The following CPQ variants were observed in gnomAD, a reference collection of about 807,000 sequenced individuals.
CPQ encodes the protein carboxypeptidase Q.
A neutral mutation model predicts 45.7 loss-of-function variants in CPQ; 37 were observed. The ratio of observed to expected loss-of-function variants is 0.81; its 90% CI spans 0.62 to 1.07. The LOEUF is 1.07. Among genes scored for constraint, CPQ ranks in the 50% least tolerant of loss-of-function variants. The pLI is 0.00. For missense variants in CPQ, 537 were observed against 572.9 expected (o/e 0.94, Z 0.64); for synonymous variants, 186 against 205.8 (o/e 0.90, Z 0.82).
At chr8:96,946,680 T>C (rs1314016248) in intron 4 of CPQ, among the ~76,000 whole-genome samples, 1 of 148,174 alleles carries the variant, frequency 6.7e-6, no homozygotes, top group African/African-American at 2.5e-5. Flanking sequence ...TTCTGGTACC[T>C]CAAGATTCCC....
intron 4 of CPQ, among the ~76,000 whole-genome samples, chr8:96,917,628 A>G (rs140289232): frequency 1.7e-4 from 26 of 152,258 alleles, no homozygotes; most frequent in Non-Finnish European, 3.2e-4. Context: ...CATTACACCT[A>G]GAGTGTCATT....
In CPQ at chr8:96,720,571, A is replaced by C. The variant is rs534263195; in HGVS notation, c.-34-64293A>C. ...CTTAACTTACAAATTACTTCCTCTG[A>C]AGATCTTGTCAAGACTTAGTTCTAG... On this transcript the variant is annotated intron_variant, in intron 1 of 7. Transcript: ENST00000220763. Among the ~76,000 whole-genome samples, 90 of 152,298 alleles carry C rather than the reference A, an allele frequency of 5.9e-4. 2 individuals carry two copies. In the South Asian group the frequency reaches 0.018, roughly 31 times the overall value.
chr8:97,099,669 T>C (rs974404393), intron 7 of CPQ, among the ~76,000 whole-genome samples: 41 of 152,020 alleles, frequency 2.7e-4, no homozygotes, highest in African/African-American at 8.9e-4. Flanking sequence ...AGGGAAAATA[T>C]ATTAATGAGC....
chr8:96,703,277 T>C (rs1479532435), intron 1 of CPQ, among the ~76,000 whole-genome samples: 2 of 152,172 alleles, frequency 1.3e-5, no homozygotes, highest in Non-Finnish European at 2.9e-5. Flanking sequence ...GCCACCTAAG[T>C]TTAGCTTGAT....
chr8:96,949,232 A>G (rs1215256152), intron 4 of CPQ, among the ~76,000 whole-genome samples: 1 of 145,270 alleles, frequency 6.9e-6, no homozygotes, highest in Non-Finnish European at 1.5e-5. Context: ...TTCCTTTCTT[A>G]CTGTCCTCGT....
intron 1 of CPQ, among the ~76,000 whole-genome samples, chr8:96,767,488 A>C (rs1810482045): frequency 2.6e-5 from 1 of 37,796 alleles, no homozygotes; most frequent in African/African-American, 1.4e-4. Flanking sequence ...TTGGGCTCCA[A>C]GTATCTTTTT....
chr8:97,103,122 A>C (rs1224488261), intron 7 of CPQ, among the ~76,000 whole-genome samples: 2 of 152,140 alleles, frequency 1.3e-5, no homozygotes, highest in African/African-American at 4.8e-5. Context: ...CATTGGACCC[A>C]CCCAGATAAC....
chr8:96,971,709 C>G (rs560035880), intron 5 of CPQ, among the ~76,000 whole-genome samples: 122 of 152,320 alleles, frequency 8.0e-4, no homozygotes, highest in Middle Eastern at 6.8e-3. Flanking sequence ...TTTCCCCCAA[C>G]ATTAAATTTT....
At chr8:96,664,000 T>C (rs1443384228) in intron 1 of CPQ, among the ~76,000 whole-genome samples, 3 of 152,208 alleles carry the variant, frequency 2.0e-5, no homozygotes, top group Non-Finnish European at 2.9e-5. Flanking sequence ...GTCAGTTTCC[T>C]AATCCATAAA....
At chr8:96,818,840 TC>T (rs775574344) in intron 2 of CPQ, among the ~76,000 whole-genome samples, 1 of 152,140 alleles carries the variant, frequency 6.6e-6, no homozygotes, top group Non-Finnish European at 1.5e-5. Context: ...TGTTATTCAA[TC>T]CTCATCAAAT....
chr8:96,978,135 G>A (rs1813821021), intron 5 of CPQ, among the ~76,000 whole-genome samples: 1 of 151,922 alleles, frequency 6.6e-6, no homozygotes, highest in Non-Finnish European at 1.5e-5. Context: ...GGCAACTTAT[G>A]TTAGTGAATG....
chr8:96,954,770 C>G (rs1278574809), intron 4 of CPQ, among the ~76,000 whole-genome samples: 1 of 152,016 alleles, frequency 6.6e-6, no homozygotes, highest in Non-Finnish European at 1.5e-5. Context: ...CAACAGGCCC[C>G]GGTGTGTGAT....
At chr8:96,843,661 A>T (rs1242705826) in intron 3 of CPQ, among the ~76,000 whole-genome samples, 2 of 152,242 alleles carry the variant, frequency 1.3e-5, no homozygotes, top group Non-Finnish European at 2.9e-5. Flanking sequence ...CCTGGCACAC[A>T]GTAGTGCTGG....
chr8:96,955,906 A>C (rs1363580310), intron 4 of CPQ, among the ~76,000 whole-genome samples: 2 of 152,208 alleles, frequency 1.3e-5, no homozygotes, highest in Non-Finnish European at 2.9e-5. Context: ...TGTTAGACCC[A>C]AAACCATAAA....
At chr8:96,854,853 C>T (rs1351264893) in intron 3 of CPQ, among the ~76,000 whole-genome samples, 1 of 152,116 alleles carries the variant, frequency 6.6e-6, no homozygotes, top group African/African-American at 2.4e-5. Flanking sequence ...GAAGAGTTGA[C>T]GTTTTACTTC....
At chr8:97,102,311 G>A (rs1811326953) in intron 7 of CPQ, among the ~76,000 whole-genome samples, 1 of 152,078 alleles carries the variant, frequency 6.6e-6, no homozygotes, top group Admixed American at 6.6e-5. Flanking sequence ...TAATTACTAA[G>A]TCACCCCCAT....
At chr8:96,808,454 T>C (rs1811114132) in intron 2 of CPQ, among the ~76,000 whole-genome samples, 1 of 152,116 alleles carries the variant, frequency 6.6e-6, no homozygotes, top group Admixed American at 6.5e-5. Context: ...CTCTCAAAGA[T>C]GGAGGCTTCT....
chr8:96,864,778 GA>G (rs1004941620), intron 3 of CPQ, among the ~76,000 whole-genome samples: 36 of 152,046 alleles, frequency 2.4e-4, no homozygotes, highest in African/African-American at 8.4e-4. Context: ...CAAACATAGG[GA>G]AATAAGCACC....
intron 6 of CPQ, among the ~76,000 whole-genome samples, chr8:97,055,072 G>C (rs1810429377): frequency 1.3e-5 from 2 of 152,110 alleles, no homozygotes; most frequent in African/African-American, 4.8e-5. Flanking sequence ...TGGAAGCTCA[G>C]CTTCTATGTT....
Sources: gnomAD v4.1 joint callset for allele counts (sites outside exome capture counted in the v4.1 genomes callset) on GRCh38, gnomAD v4.1.1 for gene constraint, MANE v1.5 for transcripts, NCBI Gene and HGNC (gene_info 2026-07-23, HGNC 2026-07-21) for gene names.